The following BABAM2 variants were observed in gnomAD, a reference collection of about 807,000 sequenced individuals.
The protein encoded by BABAM2 is BRISC and BRCA1 A complex member 2.
Under a neutral mutation model 54.7 loss-of-function variants are expected in BABAM2, and 31 were observed. The observed-to-expected ratio is 0.57, with a 90% CI of 0.43 to 0.77. The LOEUF is 0.77. BABAM2 is among the 30% of genes least tolerant of loss of function. BABAM2 has a pLI of 0.00. For synonymous variants in BABAM2, 167 were observed against 162.9 expected (o/e 1.03, Z -0.19); for missense variants, 364 against 455.8 (o/e 0.80, Z 1.83).
chr2:28,223,992 G>A (rs1680645146), intron 7 of BABAM2, among the ~76,000 whole-genome samples: 1 of 152,112 alleles, frequency 6.6e-6, no homozygotes, highest in African/African-American at 2.4e-5. Flanking sequence ...TGGTGTTCAG[G>A]GACAGATACA....
At chr2:27,934,476 G>A (rs960225125) in intron 3 of BABAM2, among the ~76,000 whole-genome samples, 3 of 152,128 alleles carry the variant, frequency 2.0e-5, no homozygotes, top group Non-Finnish European at 4.4e-5. Context: ...CAGCAGTATT[G>A]AAATTAGGCC....
At chr2:27,890,515 C>T (rs1431430104), upstream of BABAM2, 2 of 625,978 alleles carry the variant, frequency 3.2e-6, no homozygotes, top group East Asian at 5.5e-5. The surrounding 1 kb of genome is among the most constrained non-coding windows in gnomAD (Gnocchi z 4.8). Flanking sequence ...GTCCCCTCTT[C>T]TTCCTGGAAT....
chr2:28,143,503 T>G (rs1373007257), intron 7 of BABAM2, among the ~76,000 whole-genome samples: 1 of 152,222 alleles, frequency 6.6e-6, no homozygotes, highest in African/African-American at 2.4e-5. Context: ...TTTTATGTGC[T>G]TTTAACACAC....
chr2:28,282,181 C>G (rs922989018), intron 10 of BABAM2, among the ~76,000 whole-genome samples: 5 of 152,066 alleles, frequency 3.3e-5, no homozygotes, highest in Non-Finnish European at 7.4e-5. Context: ...CATTAAAACC[C>G]CGTAGATATA....
At chr2:28,298,610 T>C (rs1572370034) in intron 11 of BABAM2, 119 bp downstream of exon 11, 2 of 1,258,020 alleles carry the variant, frequency 1.6e-6, no homozygotes, top group Non-Finnish European at 1.1e-6. Context: ...GTAAATAAAG[T>C]TTTATAGAAA....
chr2:27,995,165 G>C lies in BABAM2; in HGVS notation c.300+7078G>C, dbSNP rs538402839. ...ATGAAGACCTTCACTGGGGTGCTGT[G>C]GGCCAGAATTGGTGCAGGTGGCCTA... On this transcript the variant is annotated intron_variant, in intron 4 of 11. Coordinates refer to ENST00000379624, the MANE Select transcript of BABAM2 (RefSeq NM_199191.3). This position sits in a 1 kb window ranked among gnomAD's most constrained non-coding sequence, Gnocchi z 4.1. 6.6e-6 allele frequency among the ~76,000 whole-genome samples: 1 copy of C among 152,252 alleles called. No individual in the cohort carries two copies. The highest frequency in any genetic ancestry group is 2.1e-4 in the South Asian group (1 of 4,828).
chr2:28,303,384 G>A (rs1184164681), intron 11 of BABAM2, among the ~76,000 whole-genome samples: 1 of 152,120 alleles, frequency 6.6e-6, no homozygotes, highest in African/African-American at 2.4e-5. Flanking sequence ...AGATGCCAAG[G>A]TTAATTTTTT....
Position 28,237,345 on chromosome 2 carries a change from C to T in BABAM2, c.780+44C>T, listed in dbSNP as rs368798573. ...CTCATCCCTCTTATGAGATTTCTTCCTCCAGTCCACCACGTACCCAAAATC... is the reference window on the plus strand; with the variant it reads ...CTCATCCCTCTTATGAGATTTCTTCTTCCAGTCCACCACGTACCCAAAATC... On this transcript the variant is annotated intron_variant, in intron 8 of 11. Coordinates refer to ENST00000379624, the MANE Select transcript of BABAM2 (RefSeq NM_199191.3). The T allele has an allele frequency of 4.7e-5, 72 of 1,545,188 alleles. 1 individual carries two copies. The Middle Eastern group carries it at 5.0e-4, about 11-fold the overall frequency.
intron 4 of BABAM2, among the ~76,000 whole-genome samples, chr2:27,997,703 CAAAT>C (rs1446435552): frequency 1.3e-5 from 2 of 152,046 alleles, no homozygotes; most frequent in Non-Finnish European, 2.9e-5. Context: ...TCTCCTAAGA[CAAAT>C]AAAAAAAGGC....
At chr2:28,253,761 G>A (rs79510008) in intron 10 of BABAM2, among the ~76,000 whole-genome samples, 1,848 of 152,312 alleles carry the variant, frequency 0.012, 28 homozygotes, top group African/African-American at 0.043. Context: ...ACAGGTCAGA[G>A]AGATATGGAG....
chr2:28,153,768 G>A (rs1006756776), intron 7 of BABAM2, among the ~76,000 whole-genome samples: 1 of 152,140 alleles, frequency 6.6e-6, no homozygotes, highest in African/African-American at 2.4e-5. Flanking sequence ...CAGCTTCATA[G>A]GTAGTTGAAC....
chr2:28,086,840 A>G (rs928248626), intron 6 of BABAM2, among the ~76,000 whole-genome samples: 1 of 152,158 alleles, frequency 6.6e-6, no homozygotes, highest in African/African-American at 2.4e-5. Context: ...CCATAGCTTC[A>G]TGTATCTTCA....
At chr2:27,946,298 A>G (rs1334902072) in intron 3 of BABAM2, among the ~76,000 whole-genome samples, 1 of 152,228 alleles carries the variant, frequency 6.6e-6, no homozygotes, top group Non-Finnish European at 1.5e-5. Context: ...AATATGATAA[A>G]TAAACTGATT....
At position 28,026,863 on chromosome 2, in the gene BABAM2, G is replaced by GAT. The variant is rs1491049917; in HGVS notation, c.495+1452_495+1453dup. Among the ~76,000 whole-genome samples the GAT allele has an allele frequency of 1.3e-3, 36 of 28,096 alleles. 1 individual carries two copies. The highest frequency in any genetic ancestry group is 2.1e-3 in the Non-Finnish European group (32 of 15,216). The allele number at this position is 28,096 out of a possible 152,430, so 18.4% of individuals were successfully genotyped here. A position where few individuals can be genotyped will look rare whatever the true frequency, so the allele number is the denominator to read the frequency against. On this transcript the variant is annotated intron_variant, in intron 5 of 11. Transcript: ENST00000379624. ...ATATAAATATATATTTATATATATA[G>GAT]ATATATATATTTATATATATATAGA...
intron 3 of BABAM2, among the ~76,000 whole-genome samples, chr2:27,946,654 A>AGAGAGAG (rs1177368073): frequency 6.6e-6 from 1 of 152,010 alleles, no homozygotes; most frequent in Non-Finnish European, 1.5e-5. Flanking sequence ...GAGAGGCGAG[A>AGAGAGAG]GAGAGAGGAG....
intron 3 of BABAM2, among the ~76,000 whole-genome samples, chr2:27,955,867 C>T (rs908233326): frequency 2.0e-5 from 3 of 151,978 alleles, no homozygotes; most frequent in African/African-American, 4.8e-5. Context: ...ATAAAAGTAT[C>T]GTTTTAGTGT....
chr2:27,912,048 T>C (rs1349376744), intron 2 of BABAM2, among the ~76,000 whole-genome samples: 1 of 152,170 alleles, frequency 6.6e-6, no homozygotes, highest in African/African-American at 2.4e-5. Flanking sequence ...TTCCAGAAAC[T>C]GGCCTTAGGA....
intron 7 of BABAM2, among the ~76,000 whole-genome samples, chr2:28,136,442 T>C (rs568333107): frequency 6.6e-6 from 1 of 152,384 alleles, no homozygotes; most frequent in Admixed American, 6.5e-5. Flanking sequence ...GCCAGGCCCC[T>C]GCCCAAGCTC....
At chr2:28,311,861 G>A (rs979003977) in intron 11 of BABAM2, among the ~76,000 whole-genome samples, 1 of 152,172 alleles carries the variant, frequency 6.6e-6, no homozygotes. Context: ...CACCGTGTAC[G>A]TGATGCCTTT....
Sources: gnomAD v4.1 joint callset for allele counts (sites outside exome capture counted in the v4.1 genomes callset) on GRCh38, gnomAD v4.1.1 for gene constraint, Gnocchi (gnomAD v3.1) non-coding constraint, MANE v1.5 for transcripts, NCBI Gene and HGNC (gene_info 2026-07-23, HGNC 2026-07-21) for gene names.